MAD1L1: variants seen among roughly 807,000 people sequenced by gnomAD.
MAD1L1 encodes mitotic spindle assembly checkpoint protein MAD1.
In MAD1L1, 95 loss-of-function variants were observed where a neutral mutation model predicts 96.9. That is an observed-to-expected ratio of 0.98 (90% CI 0.83 to 1.16). The LOEUF (loss-of-function observed/expected upper bound fraction) is 1.16, where lower values mean the gene tolerates loss of function less well. Ranked by LOEUF, MAD1L1 falls within the 50% of genes most tolerant of loss-of-function variation. The pLI, the probability that MAD1L1 is intolerant of heterozygous loss-of-function variation, is 0.00. For synonymous variants in MAD1L1, 473 were observed against 396.6 expected, an observed-to-expected ratio of 1.19 and a Z score of -2.29; for missense variants, 1,007 against 954.4, an observed-to-expected ratio of 1.06 and a Z score of -0.73.
intron 10 of MAD1L1, among the ~76,000 whole-genome samples, chr7:2,188,932 A>G (rs1791586242): frequency 6.6e-6 from 1 of 152,216 alleles, no homozygotes; most frequent in African/African-American, 2.4e-5. Context: ...TGGAAACCGT[A>G]TCTGTAAGAG....
chr7:1,928,602 T>C (rs1419045875), intron 17 of MAD1L1, among the ~76,000 whole-genome samples: 1 of 152,214 alleles, frequency 6.6e-6, no homozygotes, highest in African/African-American at 2.4e-5. Flanking sequence ...CCAGCCCTTC[T>C]TCTCCAACTC....
chr7:2,002,728 C>CT lies in MAD1L1; in HGVS notation c.1360-608dup, dbSNP rs143309864. 4.0e-3 allele frequency among the ~76,000 whole-genome samples: 613 copies of CT among 152,330 alleles called. 5 individuals are homozygous for CT. The highest frequency in any genetic ancestry group is 0.014 in the African/African-American group (562 of 41,572). ...GCAATGAAAAGCCAGCCGCCTCCTC[C>CT]TAACAGGCCTCATGGAGCAGCAAGG... On this transcript the variant is annotated intron_variant, in intron 13 of 18. Coordinates refer to ENST00000265854, the MANE Select transcript of MAD1L1 (RefSeq NM_001013836.2).
chr7:2,141,167 A>G (rs2128574595), intron 11 of MAD1L1, among the ~76,000 whole-genome samples: 1 of 152,304 alleles, frequency 6.6e-6, no homozygotes, highest in South Asian at 2.1e-4. Flanking sequence ...TGGGGAGGGA[A>G]CAGGTTCAGA....
chr7:2,212,852 C>T (rs534510113), intron 10 of MAD1L1, among the ~76,000 whole-genome samples: 155 of 152,316 alleles, frequency 1.0e-3, no homozygotes, highest in Non-Finnish European at 1.8e-3. Context: ...CCACTGGTTA[C>T]AGTTCCCTAA....
At chr7:1,994,652 C>G (rs1409001768) in intron 14 of MAD1L1, among the ~76,000 whole-genome samples, 1 of 152,054 alleles carries the variant, frequency 6.6e-6, no homozygotes, top group Non-Finnish European at 1.5e-5. Context: ...CCGGGCGGAG[C>G]CTCGGGGGGG....
chr7:2,110,459 G>C (rs1314939688), intron 11 of MAD1L1, among the ~76,000 whole-genome samples: 1 of 152,186 alleles, frequency 6.6e-6, no homozygotes. Context: ...CTCCTGTGAA[G>C]CATCTACTTC....
At chr7:2,100,577 T>G (rs930122047) in intron 11 of MAD1L1, among the ~76,000 whole-genome samples, 1 of 152,192 alleles carries the variant, frequency 6.6e-6, no homozygotes. Flanking sequence ...TCCTGACACC[T>G]GAGAGCAGAG....
chr7:2,050,713 C>A (rs920919317), intron 12 of MAD1L1, among the ~76,000 whole-genome samples: 6 of 152,102 alleles, frequency 3.9e-5, no homozygotes, highest in African/African-American at 9.7e-5. Context: ...GCAGAGGCTG[C>A]GGAGGGAGCA....
intron 12 of MAD1L1, among the ~76,000 whole-genome samples, chr7:2,056,321 T>C (rs1784386928): frequency 1.3e-5 from 2 of 151,608 alleles, no homozygotes; most frequent in East Asian, 3.9e-4. Context: ...TAAAGAGGGG[T>C]GTGGAGCAGA....
intron 12 of MAD1L1, among the ~76,000 whole-genome samples, chr7:2,018,700 G>A (rs996815023): frequency 6.6e-6 from 1 of 152,160 alleles, no homozygotes; most frequent in Non-Finnish European, 1.5e-5. Context: ...GAAGTAAGCT[G>A]AGTACCGCGT....
chr7:2,121,480 G>C (rs1787978302), intron 11 of MAD1L1, among the ~76,000 whole-genome samples: 1 of 152,250 alleles, frequency 6.6e-6, no homozygotes, highest in Non-Finnish European at 1.5e-5. Flanking sequence ...CCGGTGGCCA[G>C]AGGTGTACCA....
chr7:2,099,496 A>T (rs907499831), intron 11 of MAD1L1, among the ~76,000 whole-genome samples: 6 of 152,204 alleles, frequency 3.9e-5, no homozygotes, highest in African/African-American at 1.4e-4. Flanking sequence ...CTTTTTATTT[A>T]AAAAAATGAA....
intron 18 of MAD1L1, among the ~76,000 whole-genome samples, chr7:1,895,733 T>C (rs1786824600): frequency 6.6e-6 from 1 of 152,196 alleles, no homozygotes. Flanking sequence ...CAGTGGACCG[T>C]CTGTCCTTCC....
intron 14 of MAD1L1, among the ~76,000 whole-genome samples, chr7:1,990,255 C>A (rs987697804): frequency 6.6e-6 from 1 of 152,210 alleles, no homozygotes; most frequent in Non-Finnish European, 1.5e-5. Flanking sequence ...CTCCCTGGGG[C>A]TGACTGGGGC....
chr7:2,076,705 A>G (rs1314438588), intron 11 of MAD1L1, among the ~76,000 whole-genome samples: 1 of 151,888 alleles, frequency 6.6e-6, no homozygotes, highest in Non-Finnish European at 1.5e-5. Context: ...CAGCGAGCAC[A>G]TGGCATGGTG....
intron 10 of MAD1L1, among the ~76,000 whole-genome samples, chr7:2,199,732 C>T (rs530199005): frequency 3.3e-5 from 5 of 152,252 alleles, no homozygotes; most frequent in Non-Finnish European, 2.9e-5. Context: ...GACCTCCAGC[C>T]TCCCAAACCC....
chr7:1,857,086 T>TGTCAGG (rs1312865098), intron 18 of MAD1L1, among the ~76,000 whole-genome samples: 1 of 152,056 alleles, frequency 6.6e-6, no homozygotes, highest in Non-Finnish European at 1.5e-5. Flanking sequence ...GGCAGGACAG[T>TGTCAGG]GTCAGGGTCT....
chr7:2,003,270 G>A (rs1781887143), intron 13 of MAD1L1, among the ~76,000 whole-genome samples: 1 of 152,180 alleles, frequency 6.6e-6, no homozygotes, highest in South Asian at 2.1e-4. Context: ...GTATGTGCGT[G>A]TACACAAGTG....
Position 1,939,233 on chromosome 7 carries a change from A to G in MAD1L1, c.1597-2336T>C, listed in dbSNP as rs548385664. Among the ~76,000 whole-genome samples, 552 of 145,768 alleles carry G rather than the reference A, an allele frequency of 3.8e-3. 6 individuals are homozygous for G. Among genetic ancestry groups the G allele is most frequent in the African/African-American group, 0.013 (525 of 39,180 alleles). On this transcript the variant is annotated intron_variant, in intron 16 of 18. Transcript: ENST00000265854. Reference sequence around the variant, plus strand: ...ACACACACGGGCCAGGGCCAGAGGCACACACACACGGGCCAGGGCCGGGAC... The same window carrying G: ...ACACACACGGGCCAGGGCCAGAGGCGCACACACACGGGCCAGGGCCGGGAC...
Sources: allele counts gnomAD v4.1 joint callset (sites outside exome capture counted in the v4.1 genomes callset), GRCh38; gene constraint gnomAD v4.1.1; transcripts MANE v1.5; gene names NCBI Gene and HGNC (gene_info 2026-07-23, HGNC 2026-07-21).